PDZRN4: variants seen among roughly 807,000 people sequenced by gnomAD.
The protein encoded by PDZRN4 is PDZ domain containing ring finger 4.
In PDZRN4, 70 loss-of-function variants were observed where a neutral mutation model predicts 99.0. The observed-to-expected ratio is 0.71, with a 90% CI of 0.58 to 0.86. The LOEUF is 0.86. PDZRN4 is among the 40% of genes least tolerant of loss of function. The pLI is 0.00. For missense variants in PDZRN4, 1,474 were observed against 1,331.2 expected (o/e 1.11, Z -1.67); for synonymous variants, 551 against 501.6 (o/e 1.10, Z -1.32).
chr12:41,556,881 G>A (rs1939175629), intron 7 of PDZRN4, among the ~76,000 whole-genome samples: 4 of 151,278 alleles, frequency 2.6e-5, no homozygotes, highest in South Asian at 4.2e-4. Context: ...CAGGCCCGGT[G>A]GCTCACGCCT....
intron 3 of PDZRN4, among the ~76,000 whole-genome samples, chr12:41,501,295 A>T (rs1938104819): frequency 6.6e-6 from 1 of 152,118 alleles, no homozygotes; most frequent in Admixed American, 6.6e-5. Flanking sequence ...TTATTCATGC[A>T]CTTGTTAGCA....
intron 3 of PDZRN4, among the ~76,000 whole-genome samples, chr12:41,362,148 C>A (rs1951967658): frequency 6.6e-6 from 1 of 151,972 alleles, no homozygotes; most frequent in South Asian, 2.1e-4. Context: ...GAAATTCAAT[C>A]AGAAGAAGTT....
chr12:41,473,889 GA>G (rs1490902110), intron 3 of PDZRN4, among the ~76,000 whole-genome samples: 1 of 152,188 alleles, frequency 6.6e-6, no homozygotes, highest in Non-Finnish European at 1.5e-5. Flanking sequence ...TAATTTTTAG[GA>G]AAGTCTTTGA....
At chr12:41,483,847 C>T (rs1438841418) in intron 3 of PDZRN4, among the ~76,000 whole-genome samples, 1 of 152,096 alleles carries the variant, frequency 6.6e-6, no homozygotes, top group African/African-American at 2.4e-5. Flanking sequence ...CTCTTTGGCT[C>T]AATGCATAGT....
chr12:41,280,396 C>T (rs79410164), intron 3 of PDZRN4, among the ~76,000 whole-genome samples: 2,344 of 152,232 alleles, frequency 0.015, 23 homozygotes, highest in Middle Eastern at 0.034. Flanking sequence ...GGAGCTGAAG[C>T]CAGGGAGCCA....
At chr12:41,324,458 C>G (rs1015328021) in intron 3 of PDZRN4, among the ~76,000 whole-genome samples, 1 of 151,986 alleles carries the variant, frequency 6.6e-6, no homozygotes, top group Non-Finnish European at 1.5e-5. Flanking sequence ...ATATGAAAAG[C>G]ACATTTTAAT....
chr12:41,311,544 A>T (rs1402568714), intron 3 of PDZRN4, among the ~76,000 whole-genome samples: 1 of 152,176 alleles, frequency 6.6e-6, no homozygotes, highest in Non-Finnish European at 1.5e-5. Flanking sequence ...TAAGACTGAA[A>T]TATCAGGAAC....
rs546035175 is a variant in PDZRN4 at position 41,492,319 on chromosome 12, T to C, written c.844-14137T>C. 1.4e-4 allele frequency among the ~76,000 whole-genome samples: 21 copies of C among 152,302 alleles called. 1 individual carries two copies. The highest frequency in any genetic ancestry group is 4.8e-4 in the African/African-American group (20 of 41,582). On this transcript the variant is annotated intron_variant, in intron 3 of 9. Coordinates refer to ENST00000402685, the MANE Select transcript of PDZRN4 (RefSeq NM_001164595.2). ...AGGAGAAGAAAGAACTATTAGATAA[T>C]ATGAAAAGCACATGACTGCCTCCCG...
At chr12:41,503,794 A>T (rs1938152691) in intron 3 of PDZRN4, among the ~76,000 whole-genome samples, 1 of 152,212 alleles carries the variant, frequency 6.6e-6, no homozygotes, top group Non-Finnish European at 1.5e-5. Flanking sequence ...TTTGTGCATT[A>T]GTAGAATTTA....
chr12:41,572,625 T>C lies in PDZRN4; in HGVS notation c.1846T>C (p.Cys616Arg). The C allele has an allele frequency of 6.2e-7, 1 of 1,614,166 alleles. No homozygotes were observed. Among genetic ancestry groups the C allele is most frequent in the South Asian group, 1.1e-5 (1 of 91,082 alleles). Residue 616 changes from cysteine to arginine, a missense_variant, in exon 10 of 10, where the codon TGC becomes CGC. Cys to Arg is a radical substitution (Grantham distance 180). Transcript: ENST00000402685. The stretch of plus-strand genomic sequence containing the variant: ...ATCTGGTGAATACATTGACTCAGAC[T>C]GCATTGGCAACCCAGATGAGGACTG... Reference protein sequence around the residue: ...LVSGEYIDSDCIGNPDEDCER... With the variant: ...LVSGEYIDSDRIGNPDEDCER...
At chr12:41,348,579 A>G (rs1002164161) in intron 3 of PDZRN4, among the ~76,000 whole-genome samples, 1 of 152,106 alleles carries the variant, frequency 6.6e-6, no homozygotes, top group African/African-American at 2.4e-5. Context: ...TAGTAAAATT[A>G]TTAATTTTAT....
chr12:41,405,703 C>T (rs1232120968), intron 3 of PDZRN4, among the ~76,000 whole-genome samples: 8 of 152,170 alleles, frequency 5.3e-5, no homozygotes, highest in South Asian at 4.2e-4. Flanking sequence ...AACCTAAATG[C>T]GGATCAGTAC....
chr12:41,421,056 T>A (rs778640415), intron 3 of PDZRN4, among the ~76,000 whole-genome samples: 14 of 152,192 alleles, frequency 9.2e-5, no homozygotes, highest in Non-Finnish European at 1.8e-4. Context: ...TTGCCAATCA[T>A]TTGGCAAAAC....
chr12:41,519,047 T>C (rs1450537115), intron 5 of PDZRN4, among the ~76,000 whole-genome samples: 1 of 152,108 alleles, frequency 6.6e-6, no homozygotes, highest in Non-Finnish European at 1.5e-5. Context: ...ATAGTTAGTA[T>C]GTAATGTATA....
chr12:41,285,290 C>T (rs1347882216), intron 3 of PDZRN4, among the ~76,000 whole-genome samples: 3 of 152,092 alleles, frequency 2.0e-5, no homozygotes, highest in African/African-American at 7.2e-5. Context: ...AAATGCAAAT[C>T]AAAACCACAA....
In PDZRN4 at chr12:41,429,690, A is replaced by G. The variant is rs1952569396; in HGVS notation, c.844-76766A>G. Among the ~76,000 whole-genome samples the G allele has an allele frequency of 2.0e-5, 3 of 152,166 alleles. No individual in the cohort carries two copies. In the South Asian group the frequency reaches 6.2e-4, roughly 32 times the overall value. On this transcript the variant is annotated intron_variant, in intron 3 of 9. Coordinates refer to ENST00000402685, the MANE Select transcript of PDZRN4 (RefSeq NM_001164595.2). Reference sequence around the variant, plus strand: ...TTTACTTCCCATGCAGAGAGGATATATTAAGAGTGCACATCTCAGAGTGTT... The same window carrying G: ...TTTACTTCCCATGCAGAGAGGATATGTTAAGAGTGCACATCTCAGAGTGTT...
At position 41,188,546 on chromosome 12, in the gene PDZRN4, A is replaced by G; in HGVS notation, c.91A>G (p.Thr31Ala). The change falls in exon 1 of 10, where the codon ACG becomes GCG. Residue 31 changes from threonine to alanine, a missense_variant. Physicochemically the swap from Thr to Ala is moderately conservative, Grantham distance 58. Transcript: ENST00000402685. Reference protein sequence around the residue: ...CGQVLEEPLCTPCGHVFCASC... With the variant: ...CGQVLEEPLCAPCGHVFCASC... ...CCAGGTGCTTGAAGAGCCCCTGTGCACGCCGTGCGGGCACGTCTTCTGCGC... is the reference window on the plus strand; with the variant it reads ...CCAGGTGCTTGAAGAGCCCCTGTGCGCGCCGTGCGGGCACGTCTTCTGCGC... The G allele has an allele frequency of 6.4e-7, 1 of 1,567,776 alleles. No individual in the cohort carries two copies. Among genetic ancestry groups the G allele is most frequent in the Non-Finnish European group, 8.6e-7 (1 of 1,164,744 alleles).
chr12:41,445,907 A>G (rs1952722780), intron 3 of PDZRN4, among the ~76,000 whole-genome samples: 1 of 152,074 alleles, frequency 6.6e-6, no homozygotes, highest in South Asian at 2.1e-4. Flanking sequence ...TGTGTTTTCT[A>G]TATCTAAATG....
intron 3 of PDZRN4, among the ~76,000 whole-genome samples, chr12:41,196,332 CT>C (rs1261182553): frequency 6.6e-6 from 1 of 151,958 alleles, no homozygotes; most frequent in African/African-American, 2.4e-5. Flanking sequence ...TGAAATTTGT[CT>C]CAATGATATA....
Sources: allele counts gnomAD v4.1 joint callset (sites outside exome capture counted in the v4.1 genomes callset), GRCh38; gene constraint gnomAD v4.1.1; transcripts MANE v1.5; gene names NCBI Gene and HGNC (gene_info 2026-07-23, HGNC 2026-07-21).